Variants in NDRG4 observed in about 807,000 individuals in gnomAD.
The protein encoded by NDRG4 is NDRG family member 4.
NDRG4 carries 38 observed loss-of-function variants against 55.8 expected under a neutral mutation model. That is an observed-to-expected ratio of 0.68 (90% CI 0.53 to 0.89). The LOEUF (loss-of-function observed/expected upper bound fraction) is 0.89. Among genes scored for constraint, NDRG4 ranks in the 40% least tolerant of loss-of-function variants. The pLI is 0.00. For missense variants in NDRG4, 455 were observed against 468.6 expected, an observed-to-expected ratio of 0.97 and a Z score of 0.27; for synonymous variants, 190 against 182.7, an observed-to-expected ratio of 1.04 and a Z score of -0.32.
intron 2 of NDRG4, among the ~76,000 whole-genome samples, chr16:58,488,326 G>A (rs2035373233): frequency 6.6e-6 from 1 of 152,200 alleles, no homozygotes; most frequent in Non-Finnish European, 1.5e-5. Context: ...TGGGACAGAG[G>A]CATCACAGGT....
At chr16:58,501,587 A>G (rs1294059284) in intron 1 of NDRG4, 1 of 175,002 alleles carries the variant, frequency 5.7e-6, no homozygotes, top group Non-Finnish European at 1.2e-5. Context: ...ATCAGGCTGA[A>G]CTGAGTCCTG....
In NDRG4 at chr16:58,500,280, G is replaced by C; in HGVS notation, c.21+11G>C. On this transcript the variant is annotated intron_variant, in intron 1 of 14. Transcript: ENST00000570248. ...GAGTGCTGGGATGGGGTGAGTGAGG[G>C]CGCTGCGGGCATCAAGGTGGGCCGG... 1 of 1,535,804 alleles carries C rather than the reference G, an allele frequency of 6.5e-7. No individual in the cohort carries two copies. Among genetic ancestry groups the C allele is most frequent in the East Asian group, 2.4e-5 (1 of 40,898 alleles).
intron 2 of NDRG4, among the ~76,000 whole-genome samples, chr16:58,490,471 GCCT>G (rs2035648105): frequency 6.6e-6 from 1 of 152,116 alleles, no homozygotes; most frequent in African/African-American, 2.4e-5. Context: ...GCACACTCCT[GCCT>G]CCTCATGCCC....
chr16:58,506,531 C>T (rs781718331), intron 6 of NDRG4, 27 bp from the exon 7 acceptor site: 2 of 1,600,230 alleles, frequency 1.2e-6, no homozygotes, highest in Admixed American at 3.6e-5. Flanking sequence ...AGGGGCGGCA[C>T]TCACGCTGGC....
rs2031215474 is a variant in NDRG4, at chr16:58,464,631, G to A, written c.-24+834G>A. On this transcript the variant is annotated intron_variant, in intron 1 of 15. Coordinates refer to the NDRG4 transcript ENST00000258187. The surrounding 1 kb of genome is among the most constrained non-coding windows in gnomAD (Gnocchi z 4.8). ...CTGTTTGTGTGCGGAGCCCAGCCCC[G>A]GGAGAGGACTTGAGGTTGTGGCGAG... The A allele has an allele frequency of 2.2e-6, 2 of 930,116 alleles. No homozygotes were observed. The highest frequency in any genetic ancestry group is 1.4e-6 in the Non-Finnish European group (1 of 699,378). The allele number at this position is 930,116 out of a possible 1,614,324, so 57.6% of individuals were successfully genotyped here.
chr16:58,487,221 T>G (rs541548437), intron 1 of NDRG4, among the ~76,000 whole-genome samples: 5 of 152,306 alleles, frequency 3.3e-5, no homozygotes, highest in African/African-American at 4.8e-5. Context: ...ACGTTTTAAT[T>G]TTTAAGAGCA....
Position 58,511,871 on chromosome 16 carries a change from C to A in NDRG4, c.*295C>A, listed in dbSNP as rs1472857190. The A allele has an allele frequency of 2.1e-6, 1 of 469,670 alleles. No homozygotes were observed. Among genetic ancestry groups the A allele is most frequent in the Non-Finnish European group, 4.1e-6 (1 of 246,812 alleles). 29.1% of individuals were successfully genotyped at this position (469,670 alleles called of 1,614,324 possible). ...GGGCCATAGGGAGGGAGATTCGCTA[C>A]GGATCCAGGCCATTCCTGGGTGAGC... is the stretch of plus-strand genomic sequence containing the variant. On this transcript the variant is annotated 3_prime_UTR_variant, in exon 15 of 15. Coordinates refer to ENST00000570248, the MANE Select transcript of NDRG4 (RefSeq NM_001242835.2).
chr16:58,494,186 G>A (rs886853677), intron 2 of NDRG4, among the ~76,000 whole-genome samples: 4 of 152,214 alleles, frequency 2.6e-5, no homozygotes, highest in South Asian at 2.1e-4. Flanking sequence ...CCCGCGGTCC[G>A]GTGGGTAGAA....
At chr16:58,482,330 A>G (rs1018097304) in intron 1 of NDRG4, among the ~76,000 whole-genome samples, 4 of 151,728 alleles carry the variant, frequency 2.6e-5, no homozygotes, top group African/African-American at 7.3e-5. Flanking sequence ...CCACAGTTCT[A>G]CCTCTTTTCT....
At position 58,512,137 on chromosome 16, in the gene NDRG4, G is replaced by T. The variant is rs1367022168; in HGVS notation, c.*561G>T. ...GTGCTCTCTGGGCCCAGCTGGTGCT[G>T]TAGGGCCACGCAGGCAGGGGCGTCA... On this transcript the variant is annotated 3_prime_UTR_variant, in exon 15 of 15. Transcript: ENST00000570248. 2.2e-6 allele frequency: 1 copy of T among 456,060 alleles called. No individual in the cohort carries two copies. The highest frequency in any genetic ancestry group is 2.0e-5 in the African/African-American group (1 of 50,078). The allele number at this position is 456,060 out of a possible 1,614,324, so 28.3% of individuals were successfully genotyped here.
chr16:58,474,098 G>A (rs1322986417), intron 1 of NDRG4, among the ~76,000 whole-genome samples: 4 of 136,096 alleles, frequency 2.9e-5, no homozygotes, highest in South Asian at 2.3e-4. Flanking sequence ...GTCCAGTGGC[G>A]TAATCTCAGC....
intron 10 of NDRG4, 146 bp from the exon 11 acceptor site, chr16:58,508,815 TG>T: frequency 2.5e-6 from 2 of 814,218 alleles, no homozygotes; most frequent in South Asian, 3.3e-5. Flanking sequence ...GAAGAAAGCC[TG>T]GGAGGAGCAG....
intron 11 of NDRG4, 53 bp from the exon 12 acceptor site, chr16:58,509,101 G>A (rs528773867): frequency 1.2e-6 from 2 of 1,613,970 alleles, no homozygotes; most frequent in Non-Finnish European, 1.7e-6. Context: ...CAGGGTGGGA[G>A]CTTGTCCTGG....
Position 58,485,462 on chromosome 16 carries a change from G to A in NDRG4, c.-23-2294G>A, listed in dbSNP as rs189472516. ...GTCCAGGGTGGTTTCATAACAGGCC[G>A]GGGGAGGGGGGCTACAGGGATACCC... On this transcript the variant is annotated intron_variant, in intron 1 of 15. Transcript: ENST00000258187. Among the ~76,000 whole-genome samples the A allele has an allele frequency of 8.7e-3, 1,319 of 152,268 alleles. 14 individuals are homozygous for A. The highest frequency in any genetic ancestry group is 0.014 in the Admixed American group (207 of 15,286).
At chr16:58,472,671 C>T (rs968006434) in intron 1 of NDRG4, among the ~76,000 whole-genome samples, 1 of 152,164 alleles carries the variant, frequency 6.6e-6, no homozygotes. Context: ...GCACAGTGGA[C>T]ACAGGGCCAT....
At position 58,494,396 on chromosome 16, in the gene NDRG4, C is replaced by T. The variant is rs141955236; in HGVS notation, c.73-568C>T. On this transcript the variant is annotated intron_variant, in intron 2 of 15. Transcript: ENST00000258187. ...GGGCATGTTAGTCACGCCCACCTCC[C>T]CCCTTCCCTCCCTTCCTTCCACCCT... Among the ~76,000 whole-genome samples the T allele has an allele frequency of 1.1e-3, 175 of 152,332 alleles. 2 individuals are homozygous for T. The highest frequency in any genetic ancestry group is 4.0e-3 in the African/African-American group (167 of 41,580).
intron 1 of NDRG4, chr16:58,502,117 C>T (rs1329617326): frequency 2.3e-6 from 1 of 427,440 alleles, no homozygotes; most frequent in Non-Finnish European, 4.9e-6. Context: ...CCTGGCAGGG[C>T]CTGCCCTCCC....
At chr16:58,492,551 T>A (rs3991379) in intron 2 of NDRG4, among the ~76,000 whole-genome samples, 19,310 of 43,496 alleles carry the variant, frequency 0.44, 2,887 homozygotes, top group African/African-American at 0.58. Flanking sequence ...TGTGTGTGTG[T>A]GAGAGACAGA....
chr16:58,500,860 C>A (rs912255653), intron 1 of NDRG4: 49 of 520,284 alleles, frequency 9.4e-5, no homozygotes, highest in Non-Finnish European at 1.3e-4. Flanking sequence ...CTCACAGTTC[C>A]CAGGGCTCTG....
Sources: gnomAD v4.1 joint callset for allele counts (sites outside exome capture counted in the v4.1 genomes callset) on GRCh38, gnomAD v4.1.1 for gene constraint, Gnocchi (gnomAD v3.1) non-coding constraint, MANE v1.5 for transcripts, NCBI Gene and HGNC (gene_info 2026-07-23, HGNC 2026-07-21) for gene names.